The following AOPEP variants were observed in gnomAD, a reference collection of about 807,000 sequenced individuals.
AOPEP encodes the protein aminopeptidase O.
Under a neutral mutation model 98.1 loss-of-function variants are expected in AOPEP, and 77 were observed. The observed-to-expected ratio is 0.78, with a 90% CI of 0.65 to 0.95. The LOEUF (loss-of-function observed/expected upper bound fraction) is 0.95, where lower values mean the gene tolerates loss of function less well. Among genes scored for constraint, AOPEP ranks in the 40% least tolerant of loss-of-function variants. AOPEP has a pLI of 0.00. For missense variants in AOPEP, 1,024 were observed against 1,024.7 expected, an observed-to-expected ratio of 1.00 and a Z score of 0.01; for synonymous variants, 346 against 365.3, an observed-to-expected ratio of 0.95 and a Z score of 0.60.
chr9:94,912,533 G>A (rs1244400751), intron 5 of AOPEP, among the ~76,000 whole-genome samples: 1 of 152,186 alleles, frequency 6.6e-6, no homozygotes, highest in Non-Finnish European at 1.5e-5. Flanking sequence ...TGCTATTTAT[G>A]AGAAAGAGGG....
chr9:94,847,411 C>T (rs997608607), intron 5 of AOPEP, among the ~76,000 whole-genome samples: 3 of 152,174 alleles, frequency 2.0e-5, no homozygotes, highest in Non-Finnish European at 1.5e-5. Context: ...GATGTGGAGG[C>T]AGCAGGAACT....
the AOPEP span, among the ~76,000 whole-genome samples, chr9:95,097,963 A>G: frequency 6.6e-6 from 1 of 152,186 alleles, no homozygotes; most frequent in African/African-American, 2.4e-5. Flanking sequence ...GGCAGAGGGA[A>G]GAACTTTAGC....
chr9:94,811,682 C>T (rs188803359), intron 5 of AOPEP, among the ~76,000 whole-genome samples: 8 of 152,330 alleles, frequency 5.3e-5, no homozygotes, highest in African/African-American at 1.4e-4. Flanking sequence ...CAGGCCACTG[C>T]AGGAAATTGC....
the AOPEP span, among the ~76,000 whole-genome samples, chr9:95,139,281 G>C: frequency 1.3e-5 from 2 of 152,196 alleles, no homozygotes; most frequent in South Asian, 4.1e-4. Flanking sequence ...GCTGAGGAGA[G>C]TGACAACACC....
chr9:95,087,423 C>A (rs2070784974), downstream of AOPEP, among the ~76,000 whole-genome samples: 1 of 121,280 alleles, frequency 8.2e-6, no homozygotes, highest in Non-Finnish European at 1.6e-5. Flanking sequence ...GTGGCAGTTG[C>A]AGTGAGCCGA....
chr9:94,832,739 G>A (rs930329463), intron 5 of AOPEP, among the ~76,000 whole-genome samples: 2 of 152,036 alleles, frequency 1.3e-5, no homozygotes, highest in Non-Finnish European at 2.9e-5. Flanking sequence ...GTCTTGTTAA[G>A]TAAAAAGAGC....
chr9:94,902,661 TTAGA>T (rs1248031410), intron 5 of AOPEP, among the ~76,000 whole-genome samples: 1 of 152,210 alleles, frequency 6.6e-6, no homozygotes, highest in Non-Finnish European at 1.5e-5. Flanking sequence ...TAGAATTTTC[TTAGA>T]TAGAAATATG....
chr9:94,749,604 T>C (rs1835240412), intron 1 of AOPEP, among the ~76,000 whole-genome samples: 1 of 152,260 alleles, frequency 6.6e-6, no homozygotes, highest in South Asian at 2.1e-4. Context: ...AATTTCTATG[T>C]AACTATTTTC....
At chr9:94,740,092 G>A (rs1244590467) in intron 1 of AOPEP, among the ~76,000 whole-genome samples, 1 of 152,252 alleles carries the variant, frequency 6.6e-6, no homozygotes, top group Non-Finnish European at 1.5e-5. Context: ...GGAAGCACCG[G>A]GATTGGTCAG....
At chr9:94,769,448 G>A (rs1840364528) in intron 2 of AOPEP, among the ~76,000 whole-genome samples, 1 of 152,164 alleles carries the variant, frequency 6.6e-6, no homozygotes, top group Admixed American at 6.5e-5. Flanking sequence ...AATAGGCTGG[G>A]AGCACAAAGA....
intron 1 of AOPEP, among the ~76,000 whole-genome samples, chr9:94,739,066 G>A (rs1832464697): frequency 6.6e-6 from 1 of 152,112 alleles, no homozygotes; most frequent in African/African-American, 2.4e-5. Context: ...CCAAAACTAC[G>A]TCTCAAGTCC....
At chr9:95,085,901 G>A in intron 16 of AOPEP, 1 of 1,214,646 alleles carries the variant, frequency 8.2e-7, no homozygotes. Flanking sequence ...GTTGTTCTGG[G>A]CGCGGTGAAC....
chr9:94,859,783 G>A (rs756870386), intron 5 of AOPEP, among the ~76,000 whole-genome samples: 1 of 152,152 alleles, frequency 6.6e-6, no homozygotes, highest in Admixed American at 6.5e-5. Context: ...TAGGTCTTGG[G>A]CATATTGCTT....
chr9:94,950,564 A>G (rs1415746231), intron 7 of AOPEP, among the ~76,000 whole-genome samples: 1 of 152,190 alleles, frequency 6.6e-6, no homozygotes, highest in East Asian at 1.9e-4. Context: ...CAAGGGTCAG[A>G]TTTCACTTCC....
downstream of AOPEP, among the ~76,000 whole-genome samples, chr9:95,090,341 G>A (rs531386638): frequency 5.0e-4 from 76 of 152,372 alleles, no homozygotes; most frequent in African/African-American, 1.8e-3. Flanking sequence ...CCGCAGAGAT[G>A]CCAGTGTTTC....
intron 1 of AOPEP, among the ~76,000 whole-genome samples, chr9:94,727,849 T>C (rs1209502894): frequency 2.0e-5 from 3 of 152,218 alleles, no homozygotes; most frequent in Admixed American, 6.5e-5. Flanking sequence ...TTATCCCAGG[T>C]ACTGTGTTCA....
intron 7 of AOPEP, among the ~76,000 whole-genome samples, chr9:94,949,256 C>T (rs2057921360): frequency 6.6e-6 from 1 of 152,212 alleles, no homozygotes; most frequent in Admixed American, 6.5e-5. Context: ...TGTTGATACT[C>T]ATTGCTTTTC....
intron 3 of AOPEP, among the ~76,000 whole-genome samples, chr9:94,786,221 A>G (rs376686607): frequency 5.3e-5 from 8 of 152,354 alleles, no homozygotes; most frequent in Middle Eastern, 3.4e-3. Flanking sequence ...TCTATAGATT[A>G]TCTAATTTAA....
At chr9:95,118,169 C>A in the AOPEP span, among the ~76,000 whole-genome samples, 3 of 152,150 alleles carry the variant, frequency 2.0e-5, no homozygotes, top group African/African-American at 7.2e-5. Context: ...CAGGCACATG[C>A]CACCACACCT....
Sources: gnomAD v4.1 joint callset for allele counts (sites outside exome capture counted in the v4.1 genomes callset) on GRCh38, gnomAD v4.1.1 for gene constraint, MANE v1.5 for transcripts, NCBI Gene and HGNC (gene_info 2026-07-23, HGNC 2026-07-21) for gene names.